Variants in CYP7B1 observed in about 807,000 individuals in gnomAD.
CYP7B1 encodes the protein cytochrome P450 family 7 subfamily B member 1, also known as cytochrome P450 7B1.
CYP7B1 carries 29 observed loss-of-function variants against 42.7 expected under a neutral mutation model. The observed-to-expected ratio is 0.68, with a 90% confidence interval of 0.51 to 0.93. The LOEUF (loss-of-function observed/expected upper bound fraction) is 0.93. Among genes scored for constraint, CYP7B1 ranks in the 40% least tolerant of loss-of-function variants. The probability of loss-of-function intolerance (pLI) is 0.00; values close to 1 mark genes in which losing one functional copy is unlikely to be tolerated. For synonymous variants in CYP7B1, 235 were observed against 218.2 expected (o/e 1.08, Z -0.68); for missense variants, 655 against 600.5 (o/e 1.09, Z -0.95).
At chr8:64,756,901 G>A (rs1213120126) in intron 1 of CYP7B1, among the ~76,000 whole-genome samples, 1 of 152,184 alleles carries the variant, frequency 6.6e-6, no homozygotes, top group African/African-American at 2.4e-5. Flanking sequence ...TTCAGTTTGT[G>A]CTTACCCAGA....
Position 64,592,071 on chromosome 8 carries a change from C to A in CYP7B1, c.*4571G>T, listed in dbSNP as rs962480207. Among the ~76,000 whole-genome samples the A allele has an allele frequency of 1.3e-5, 2 of 151,684 alleles. No individual in the cohort carries two copies. Among genetic ancestry groups the A allele is most frequent in the African/African-American group, 2.4e-5 (1 of 41,252 alleles). On this transcript the variant is annotated 3_prime_UTR_variant, in exon 6 of 6. Transcript: ENST00000310193. The stretch of plus-strand genomic sequence containing the variant: ...GGCATAGTGGTGGGTGCCTGTAGTC[C>A]CAGCTACTCGGAGGGCTGAGACAAG...
intron 1 of CYP7B1, among the ~76,000 whole-genome samples, chr8:64,778,938 T>G (rs1411735460): frequency 6.6e-6 from 1 of 152,122 alleles, no homozygotes; most frequent in Non-Finnish European, 1.5e-5. Context: ...ATGTTGACCG[T>G]CAAGTGTGGC....
At chr8:64,763,654 C>T (rs1807924782) in intron 1 of CYP7B1, among the ~76,000 whole-genome samples, 1 of 152,198 alleles carries the variant, frequency 6.6e-6, no homozygotes, top group Non-Finnish European at 1.5e-5. Context: ...TTCTAACAAC[C>T]CCCAACTCTT....
chr8:64,591,527 C>A lies in CYP7B1; in HGVS notation c.*5115G>T, dbSNP rs1409943296. 6.6e-6 allele frequency among the ~76,000 whole-genome samples: 1 copy of A among 152,142 alleles called. No individual in the cohort carries two copies. Among genetic ancestry groups the A allele is most frequent in the African/African-American group, 2.4e-5 (1 of 41,436 alleles). The stretch of plus-strand genomic sequence containing the variant: ...GCTTTGGTCTTTGAACAGTTTTAAA[C>A]TTCTACTGTTAAGTTAGAAGTCACT... On this transcript the variant is annotated 3_prime_UTR_variant, in exon 6 of 6. Coordinates refer to ENST00000310193, the MANE Select transcript of CYP7B1 (RefSeq NM_004820.5).
chr8:64,704,242 T>C (rs1452071870), intron 1 of CYP7B1, among the ~76,000 whole-genome samples: 1 of 152,080 alleles, frequency 6.6e-6, no homozygotes, highest in East Asian at 1.9e-4. Flanking sequence ...GCTGACTTCA[T>C]TGTATGGCTA....
intron 1 of CYP7B1, among the ~76,000 whole-genome samples, chr8:64,779,307 T>A (rs1804379729): frequency 1.3e-5 from 2 of 152,224 alleles, no homozygotes; most frequent in South Asian, 4.1e-4. Context: ...AAAGTTATCA[T>A]AAGAGGATTC....
At chr8:64,665,042 T>A (rs917765528) in intron 1 of CYP7B1, among the ~76,000 whole-genome samples, 1 of 152,300 alleles carries the variant, frequency 6.6e-6, no homozygotes, top group African/African-American at 2.4e-5. Context: ...TTATTTTCTA[T>A]GTGTCATATG....
chr8:64,659,093 A>G (rs1339628159), intron 1 of CYP7B1, among the ~76,000 whole-genome samples: 1 of 152,228 alleles, frequency 6.6e-6, no homozygotes, highest in African/African-American at 2.4e-5. Context: ...TGCAAACTAT[A>G]GCAGCTAGTT....
Position 64,745,207 on chromosome 8 carries a change from G to A in CYP7B1, c.122+53259C>T, listed in dbSNP as rs76668525. ...TTCCGGTTATTTAAAGAATGCAGCA[G>A]TATAATGTTCATTTTGTATGCTTCC... On this transcript the variant is annotated intron_variant, in intron 1 of 5. Transcript: ENST00000310193. Among the ~76,000 whole-genome samples, 1,404 of 152,148 alleles carry A rather than the reference G, an allele frequency of 9.2e-3. 21 individuals are homozygous for A. Among genetic ancestry groups the A allele is most frequent in the African/African-American group, 0.032 (1,332 of 41,436 alleles).
chr8:64,656,326 T>G (rs1806120086), intron 1 of CYP7B1, among the ~76,000 whole-genome samples: 1 of 152,210 alleles, frequency 6.6e-6, no homozygotes, highest in Non-Finnish European at 1.5e-5. Flanking sequence ...TTCTCTTGGC[T>G]AAAAAGAAAG....
intron 4 of CYP7B1, among the ~76,000 whole-genome samples, chr8:64,612,265 AT>A (rs999163009): frequency 5.3e-5 from 8 of 151,874 alleles, no homozygotes; most frequent in South Asian, 2.1e-4. Context: ...TCTATCAGCA[AT>A]TTTTTTCCTA....
At chr8:64,726,467 A>G (rs1219927585) in intron 1 of CYP7B1, among the ~76,000 whole-genome samples, 1 of 152,212 alleles carries the variant, frequency 6.6e-6, no homozygotes, top group Non-Finnish European at 1.5e-5. Flanking sequence ...AGGTTAAAAA[A>G]GTACATAATA....
intron 4 of CYP7B1, among the ~76,000 whole-genome samples, chr8:64,614,091 T>A (rs1224737513): frequency 1.3e-5 from 2 of 152,186 alleles, no homozygotes; most frequent in Non-Finnish European, 2.9e-5. Flanking sequence ...TACCGCAGGA[T>A]GAAATGTCAA....
intron 1 of CYP7B1, among the ~76,000 whole-genome samples, chr8:64,739,919 C>G (rs573587829): frequency 6.6e-6 from 1 of 152,052 alleles, no homozygotes; most frequent in South Asian, 2.1e-4. Context: ...TTGATATCCA[C>G]CAAAATTATC....
intron 1 of CYP7B1, among the ~76,000 whole-genome samples, chr8:64,791,343 A>C (rs1315675122): frequency 1.3e-5 from 2 of 152,222 alleles, no homozygotes; most frequent in Non-Finnish European, 2.9e-5. Flanking sequence ...GAAGCCTATG[A>C]ATTTGGTGCT....
chr8:64,693,660 T>C (rs1200490422), intron 1 of CYP7B1, among the ~76,000 whole-genome samples: 1 of 152,184 alleles, frequency 6.6e-6, no homozygotes, highest in Non-Finnish European at 1.5e-5. Flanking sequence ...GACCATAAAA[T>C]GGAATGGATT....
At chr8:64,669,773 T>C (rs1407272470) in intron 1 of CYP7B1, among the ~76,000 whole-genome samples, 1 of 151,910 alleles carries the variant, frequency 6.6e-6, no homozygotes, top group East Asian at 1.9e-4. Flanking sequence ...CCAGCAACTC[T>C]GGAGGTTTCT....
rs1444509381 is a variant in CYP7B1, at chr8:64,698,587, A to ATAATTATGTGAATAC, written c.123-74049_123-74048insGTATTCACATAATTA. Among the ~76,000 whole-genome samples, 19 of 152,280 alleles carry ATAATTATGTGAATAC rather than the reference A, an allele frequency of 1.2e-4. No individual in the cohort carries two copies. In the South Asian group the frequency reaches 3.9e-3, roughly 32 times the overall value. ...TACAGACACAAAATAATTATATGAA[A>ATAATTATGTGAATAC]AGGACAACATATTCAATATGCGAGA... On this transcript the variant is annotated intron_variant, in intron 1 of 5. Coordinates refer to ENST00000310193, the MANE Select transcript of CYP7B1 (RefSeq NM_004820.5).
intron 1 of CYP7B1, among the ~76,000 whole-genome samples, chr8:64,763,891 G>A (rs1275013439): frequency 6.6e-6 from 1 of 152,204 alleles, no homozygotes; most frequent in Non-Finnish European, 1.5e-5. Flanking sequence ...TCTTGAAAGT[G>A]TAGCCCCAAA....
Sources: allele counts gnomAD v4.1 joint callset (sites outside exome capture counted in the v4.1 genomes callset), GRCh38; gene constraint gnomAD v4.1.1; transcripts MANE v1.5; gene names NCBI Gene and HGNC (gene_info 2026-07-23, HGNC 2026-07-21).